Variants in PCDH9 observed in about 807,000 individuals in gnomAD.
PCDH9 encodes the protein protocadherin-9.
In PCDH9, 24 loss-of-function variants were observed where a neutral mutation model predicts 70.6. The observed-to-expected ratio is 0.34, with a 90% CI of 0.25 to 0.48. The LOEUF (loss-of-function observed/expected upper bound fraction) is 0.48, where lower values mean the gene tolerates loss of function less well. Ranked by LOEUF, PCDH9 falls within the 20% of genes least tolerant of loss-of-function variation. PCDH9 has a pLI of 0.99. For synonymous variants in PCDH9, 562 were observed against 558.5 expected, an observed-to-expected ratio of 1.01 and a Z score of -0.09; for missense variants, 1,281 against 1,503.6, an observed-to-expected ratio of 0.85 and a Z score of 2.45.
intron 3 of PCDH9, among the ~76,000 whole-genome samples, chr13:66,743,350 G>C (rs935936119): frequency 2.4e-5 from 3 of 122,548 alleles, no homozygotes; most frequent in Non-Finnish European, 3.4e-5. Flanking sequence ...GTGGTGGGGT[G>C]GGGGGAGGGG....
intron 4 of PCDH9, among the ~76,000 whole-genome samples, chr13:66,455,894 G>A (rs1417056190): frequency 6.6e-6 from 1 of 152,048 alleles, no homozygotes; most frequent in Non-Finnish European, 1.5e-5. Flanking sequence ...CAATATTTTA[G>A]TCTAAAGGTA....
At chr13:66,559,525 G>C (rs1961901476) in intron 4 of PCDH9, among the ~76,000 whole-genome samples, 1 of 151,950 alleles carries the variant, frequency 6.6e-6, no homozygotes, top group Non-Finnish European at 1.5e-5. Context: ...AGGAGGCCGG[G>C]CACAGTGGCT....
chr13:66,649,333 C>A (rs1180591990), intron 3 of PCDH9, among the ~76,000 whole-genome samples: 1 of 151,928 alleles, frequency 6.6e-6, no homozygotes, highest in Non-Finnish European at 1.5e-5. Context: ...AAGTATGAGA[C>A]AATGGAGCTC....
At chr13:66,460,261 G>A (rs1958398105) in intron 4 of PCDH9, among the ~76,000 whole-genome samples, 1 of 151,840 alleles carries the variant, frequency 6.6e-6, no homozygotes, top group South Asian at 2.1e-4. Context: ...GAGAAAAGCA[G>A]TTTATTATTT....
chr13:67,111,354 C>T (rs549363211), intron 2 of PCDH9, among the ~76,000 whole-genome samples: 43 of 152,098 alleles, frequency 2.8e-4, no homozygotes, highest in African/African-American at 9.9e-4. Flanking sequence ...CCAAGTGATC[C>T]TTCAAGCTAT....
At chr13:66,967,243 T>C (rs1174677771) in intron 2 of PCDH9, among the ~76,000 whole-genome samples, 1 of 152,096 alleles carries the variant, frequency 6.6e-6, no homozygotes, top group Non-Finnish European at 1.5e-5. Flanking sequence ...GTCTTATATA[T>C]ATGTATGCTC....
chr13:66,858,142 T>C (rs753977768), intron 3 of PCDH9, among the ~76,000 whole-genome samples: 2 of 152,178 alleles, frequency 1.3e-5, no homozygotes, highest in Non-Finnish European at 2.9e-5. Flanking sequence ...TTAAACATTG[T>C]AAATTTATTC....
At chr13:67,077,797 T>C (rs762221319) in intron 2 of PCDH9, among the ~76,000 whole-genome samples, 1 of 152,134 alleles carries the variant, frequency 6.6e-6, no homozygotes, top group Non-Finnish European at 1.5e-5. Context: ...TCATCATTTT[T>C]CAGGTGAATT....
chr13:66,615,992 C>T (rs1362549266), intron 4 of PCDH9, among the ~76,000 whole-genome samples: 1 of 152,218 alleles, frequency 6.6e-6, no homozygotes, highest in Non-Finnish European at 1.5e-5. Context: ...TTTACCAAGG[C>T]TTTGACTGGA....
intron 3 of PCDH9, among the ~76,000 whole-genome samples, chr13:66,852,365 A>T (rs958907401): frequency 6.6e-6 from 1 of 152,144 alleles, no homozygotes; most frequent in Non-Finnish European, 1.5e-5. Context: ...CTGTTGATGT[A>T]AGCATTGTTA....
chr13:66,731,520 GA>G (rs1488741790), intron 3 of PCDH9, among the ~76,000 whole-genome samples: 1 of 152,000 alleles, frequency 6.6e-6, no homozygotes, highest in Non-Finnish European at 1.5e-5. Context: ...ACAATAAAAT[GA>G]AAATTATCTA....
intron 2 of PCDH9, among the ~76,000 whole-genome samples, chr13:67,044,738 G>C (rs375073443): frequency 6.6e-6 from 1 of 152,126 alleles, no homozygotes; most frequent in Admixed American, 6.6e-5. Context: ...TCAAGAATAT[G>C]AGCAAATTCA....
chr13:66,731,591 C>G (rs895032092), intron 3 of PCDH9, among the ~76,000 whole-genome samples: 2 of 152,024 alleles, frequency 1.3e-5, no homozygotes, highest in African/African-American at 4.8e-5. Context: ...TATAGTCCCA[C>G]TGAACATTCA....
At chr13:67,039,224 T>C (rs2085065266) in intron 2 of PCDH9, among the ~76,000 whole-genome samples, 1 of 152,152 alleles carries the variant, frequency 6.6e-6, no homozygotes, top group Admixed American at 6.5e-5. Context: ...TCAGTTTCCG[T>C]GGACCCCCAG....
chr13:66,685,494 G>A (rs1324150536), intron 3 of PCDH9, among the ~76,000 whole-genome samples: 1 of 152,198 alleles, frequency 6.6e-6, no homozygotes. Context: ...CTTCTGCTAG[G>A]GCAGAGCAGA....
At chr13:66,693,233 T>G (rs2078513056) in intron 3 of PCDH9, among the ~76,000 whole-genome samples, 1 of 152,106 alleles carries the variant, frequency 6.6e-6, no homozygotes, top group Non-Finnish European at 1.5e-5. Context: ...AACTGTGGTA[T>G]TACAGTTCTT....
chr13:66,872,573 G>A (rs1173512654), intron 3 of PCDH9, among the ~76,000 whole-genome samples: 1 of 150,596 alleles, frequency 6.6e-6, no homozygotes, highest in Non-Finnish European at 1.5e-5. Context: ...ATTTAATAAA[G>A]GCTTTTTTTA....
chr13:66,651,329 A>C (rs940901458), intron 3 of PCDH9, among the ~76,000 whole-genome samples: 4 of 152,126 alleles, frequency 2.6e-5, no homozygotes, highest in African/African-American at 9.6e-5. Flanking sequence ...CTGAGACATT[A>C]CCACTGATAC....
At chr13:66,670,410 G>A (rs2139036711) in intron 3 of PCDH9, among the ~76,000 whole-genome samples, 1 of 152,220 alleles carries the variant, frequency 6.6e-6, no homozygotes, top group South Asian at 2.1e-4. Flanking sequence ...AATATATGAT[G>A]AAAGAACGAA....
Sources: allele counts gnomAD v4.1 joint callset (sites outside exome capture counted in the v4.1 genomes callset), GRCh38; gene constraint gnomAD v4.1.1; transcripts MANE v1.5; gene names NCBI Gene and HGNC (gene_info 2026-07-23, HGNC 2026-07-21).